ARMC2: variants seen among roughly 807,000 people sequenced by gnomAD.
ARMC2 encodes the protein armadillo repeat-containing protein 2.
ARMC2 carries 67 observed loss-of-function variants against 90.3 expected under a neutral mutation model. The ratio of observed to expected loss-of-function variants is 0.74; its 90% CI spans 0.61 to 0.91. The LOEUF (loss-of-function observed/expected upper bound fraction) is 0.91. ARMC2 is among the 40% of genes least tolerant of loss of function. ARMC2 has a pLI of 0.00. For missense variants in ARMC2, 920 were observed against 1,030.9 expected (o/e 0.89, Z 1.47); for synonymous variants, 393 against 393.0 (o/e 1.00, Z 0.00).
At chr6:108,872,398 C>T (rs1582973347) in intron 4 of ARMC2, among the ~76,000 whole-genome samples, 1 of 152,040 alleles carries the variant, frequency 6.6e-6, no homozygotes, top group South Asian at 2.1e-4. Context: ...TCACACTCTC[C>T]GTCACCAAGC....
intron 12 of ARMC2, among the ~76,000 whole-genome samples, chr6:108,947,829 GA>G (rs5879005): frequency 0.26 from 36,581 of 138,876 alleles, 4,522 homozygotes; most frequent in African/African-American, 0.31. Flanking sequence ...CCTTCTTTAG[GA>G]AAAAAAAAAA....
chr6:108,883,469 T>C (rs2128446193), intron 5 of ARMC2, among the ~76,000 whole-genome samples: 1 of 152,286 alleles, frequency 6.6e-6, no homozygotes, highest in Middle Eastern at 3.4e-3. Context: ...ACAGAAACCT[T>C]GACAATGTGG....
the ARMC2 span, among the ~76,000 whole-genome samples, chr6:109,046,339 C>T: frequency 6.6e-6 from 1 of 151,876 alleles, no homozygotes; most frequent in African/African-American, 2.4e-5. Context: ...CCAGCCTTGG[C>T]CTCCCGAGGT....
chr6:109,052,094 A>G, the ARMC2 span, among the ~76,000 whole-genome samples: 1 of 152,238 alleles, frequency 6.6e-6, no homozygotes, highest in Non-Finnish European at 1.5e-5. Context: ...GATGTAGAAG[A>G]TAAGTTTCAA....
intron 10 of ARMC2, among the ~76,000 whole-genome samples, chr6:108,927,166 G>T (rs1775173234): frequency 6.6e-6 from 1 of 152,176 alleles, no homozygotes; most frequent in South Asian, 2.1e-4. Context: ...GAGGTGAGCA[G>T]TGCTTGTCAT....
At chr6:108,903,603 C>T (rs1772374814) in intron 7 of ARMC2, among the ~76,000 whole-genome samples, 1 of 152,056 alleles carries the variant, frequency 6.6e-6, no homozygotes, top group Admixed American at 6.6e-5. Flanking sequence ...TCTCACTGTA[C>T]CATGTGCTAT....
the ARMC2 span, chr6:108,987,271 G>A: frequency 3.1e-6 from 1 of 325,460 alleles, no homozygotes; most frequent in Non-Finnish European, 5.6e-6. Flanking sequence ...ACTATTTGCT[G>A]TATTAAAACA....
At chr6:108,960,601 A>G (rs968403445) in intron 13 of ARMC2, among the ~76,000 whole-genome samples, 8 of 152,222 alleles carry the variant, frequency 5.3e-5, no homozygotes, top group Non-Finnish European at 8.8e-5. Flanking sequence ...TTAAACACAT[A>G]TATAACATCA....
the ARMC2 span, among the ~76,000 whole-genome samples, chr6:109,012,938 A>AC: frequency 2.0e-5 from 3 of 151,584 alleles, no homozygotes; most frequent in Admixed American, 6.6e-5. Flanking sequence ...ACATGGTGAA[A>AC]CCCCGTCTCT....
the ARMC2 span, among the ~76,000 whole-genome samples, chr6:109,039,821 T>C: frequency 6.6e-6 from 1 of 152,240 alleles, no homozygotes; most frequent in East Asian, 1.9e-4. Flanking sequence ...TAGAGTCTTG[T>C]TCATATAGAA....
chr6:109,009,498 G>C, the ARMC2 span: 3 of 1,224,458 alleles, frequency 2.5e-6, no homozygotes, highest in East Asian at 6.8e-5. Context: ...CGGAGGCGGC[G>C]AGCGCTGGGC....
At chr6:108,860,090 TG>T (rs1340637174) in intron 3 of ARMC2, among the ~76,000 whole-genome samples, 1 of 152,160 alleles carries the variant, frequency 6.6e-6, no homozygotes, top group Non-Finnish European at 1.5e-5. Context: ...TACATCTTTT[TG>T]TGGAAGAGAC....
At chr6:108,863,837 C>T (rs556010611) in intron 3 of ARMC2, among the ~76,000 whole-genome samples, 1 of 152,316 alleles carries the variant, frequency 6.6e-6, no homozygotes, top group African/African-American at 2.4e-5. Flanking sequence ...CTGCCAACAT[C>T]ATCAAATTGA....
the ARMC2 span, chr6:108,988,413 A>C: frequency 5.6e-6 from 4 of 711,150 alleles, no homozygotes; most frequent in East Asian, 1.2e-4. Context: ...TACCTGAGAC[A>C]GCTGTCCTGG....
intron 10 of ARMC2, among the ~76,000 whole-genome samples, chr6:108,921,191 T>C (rs1346501569): frequency 6.6e-6 from 1 of 152,232 alleles, no homozygotes; most frequent in East Asian, 1.9e-4. Context: ...GTTTGTATGA[T>C]ATTCAAAATT....
At chr6:108,922,144 T>C (rs1173643238) in intron 10 of ARMC2, among the ~76,000 whole-genome samples, 2 of 152,156 alleles carry the variant, frequency 1.3e-5, no homozygotes, top group Non-Finnish European at 1.5e-5. Context: ...ACATGATCAG[T>C]GTGTGTGGAG....
chr6:108,890,724 C>A (rs912394004), intron 5 of ARMC2, among the ~76,000 whole-genome samples: 2 of 152,156 alleles, frequency 1.3e-5, no homozygotes, highest in Non-Finnish European at 2.9e-5. Flanking sequence ...GCACTTAATA[C>A]CAGTCCTGTG....
At chr6:108,998,719 C>T in the ARMC2 span, 10 of 1,613,398 alleles carry the variant, frequency 6.2e-6, no homozygotes, top group Non-Finnish European at 8.5e-6. Context: ...ACCAATTCCG[C>T]AAGGGACCAG....
the ARMC2 span, among the ~76,000 whole-genome samples, chr6:109,024,389 A>T: frequency 6.6e-6 from 1 of 152,196 alleles, no homozygotes; most frequent in South Asian, 2.1e-4. Context: ...CAGAAATAAG[A>T]ACTTGGATAG....
Sources: gnomAD v4.1 joint callset for allele counts (sites outside exome capture counted in the v4.1 genomes callset) on GRCh38, gnomAD v4.1.1 for gene constraint, MANE v1.5 for transcripts, NCBI Gene and HGNC (gene_info 2026-07-23, HGNC 2026-07-21) for gene names.